Variants in RP1 observed in about 807,000 individuals in gnomAD.
RP1 encodes RP1 axonemal microtubule associated.
In RP1, 16 loss-of-function variants were observed where a neutral mutation model predicts 14.8. The observed-to-expected ratio is 1.08, with a 90% CI of 0.73 to 1.65. The LOEUF (loss-of-function observed/expected upper bound fraction) is 1.65, where lower values mean the gene tolerates loss of function less well. RP1 is among the 40% of genes most tolerant of loss of function. RP1 has a pLI of 0.00. For missense variants in RP1, 2,631 were observed against 2,535.0 expected (o/e 1.04, Z -0.81); for synonymous variants, 876 against 883.6 (o/e 0.99, Z 0.15).
intron 12 of RP1, among the ~76,000 whole-genome samples, chr8:54,692,202 A>T (rs1807731442): frequency 6.6e-6 from 1 of 151,114 alleles, no homozygotes; most frequent in African/African-American, 2.4e-5. Flanking sequence ...ACATTTTCTT[A>T]ATCCAGTCTA....
intron 27 of RP1, chr8:54,865,711 G>A: frequency 2.5e-6 from 1 of 397,558 alleles, no homozygotes; most frequent in Non-Finnish European, 4.4e-6. Context: ...ATTTGCATGT[G>A]CATATTTTTG....
At chr8:54,771,436 A>G (rs1809903450), downstream of RP1, among the ~76,000 whole-genome samples, 1 of 152,094 alleles carries the variant, frequency 6.6e-6, no homozygotes, top group Non-Finnish European at 1.5e-5. Flanking sequence ...AATGTAAGAC[A>G]TGTAATCAAC....
chr8:54,760,614 C>G (rs1213637767), intron 22 of RP1, among the ~76,000 whole-genome samples: 2 of 152,164 alleles, frequency 1.3e-5, no homozygotes, highest in Non-Finnish European at 2.9e-5. Flanking sequence ...AACTTCCATT[C>G]AAGGCTTTAT....
At chr8:54,725,800 G>A (rs1296790739) in intron 16 of RP1, among the ~76,000 whole-genome samples, 1 of 152,124 alleles carries the variant, frequency 6.6e-6, no homozygotes, top group African/African-American at 2.4e-5. Flanking sequence ...ACACTTAGGA[G>A]CATATACTAT....
Position 54,724,577 on chromosome 8 carries a change from CT to C in RP1, c.2390-1758del, listed in dbSNP as rs200550747. On this transcript the variant is annotated intron_variant, in intron 16 of 22. Coordinates refer to the RP1 transcript ENST00000636932. ...TACATTGCTAGTGATACAGTTTTCA[CT>C]TTTTTTTTTAAATTGTAAAAGTCAG... Among the ~76,000 whole-genome samples, 207 of 149,662 alleles carry C rather than the reference CT, an allele frequency of 1.4e-3. 1 individual carries two copies. The highest frequency in any genetic ancestry group is 1.0e-2 in the South Asian group (47 of 4,710).
chr8:54,758,346 A>G (rs557525172), intron 21 of RP1, among the ~76,000 whole-genome samples: 115 of 151,634 alleles, frequency 7.6e-4, no homozygotes, highest in African/African-American at 2.7e-3. Context: ...AACCAATTCT[A>G]TTTAGGAGTG....
intron 24 of RP1, among the ~76,000 whole-genome samples, chr8:54,812,717 A>C (rs1055081353): frequency 5.9e-5 from 9 of 152,068 alleles, no homozygotes; most frequent in African/African-American, 2.4e-5. Context: ...GATTCCAGAT[A>C]TCTCTCTCTC....
intron 15 of RP1, among the ~76,000 whole-genome samples, chr8:54,710,749 A>G (rs1478853835): frequency 6.6e-6 from 1 of 152,138 alleles, no homozygotes; most frequent in African/African-American, 2.4e-5. Context: ...GCTGTCTCTG[A>G]AGTCAAGTTG....
chr8:54,754,657 G>GACTACTACT (rs1015187668), intron 19 of RP1: 2 of 752,926 alleles, frequency 2.7e-6, no homozygotes, highest in African/African-American at 3.6e-5. Context: ...ACCAACCTAC[G>GACTACTACT]ACTACTACTA....
At chr8:54,783,548 T>G (rs926036891) in exon 24 of RP1, 1 of 1,230,220 alleles carries the variant, frequency 8.1e-7, no homozygotes. Context: ...CCTTTGCAGA[T>G]GGAGACTGGA....
intron 13 of RP1, among the ~76,000 whole-genome samples, chr8:54,699,884 T>C (rs1408095357): frequency 6.6e-6 from 1 of 152,210 alleles, no homozygotes; most frequent in Non-Finnish European, 1.5e-5. Context: ...TAATTTTTTA[T>C]AGTTATACCT....
intron 1 of RP1, among the ~76,000 whole-genome samples, chr8:54,606,259 G>A (rs1047220694): frequency 2.6e-5 from 4 of 152,088 alleles, no homozygotes; most frequent in African/African-American, 4.8e-5. Flanking sequence ...ATCTCTCAGC[G>A]TTTGCTCATC....
chr8:54,634,685 C>T (rs1285857176), downstream of RP1, among the ~76,000 whole-genome samples: 1 of 152,264 alleles, frequency 6.6e-6, no homozygotes, highest in East Asian at 1.9e-4. Flanking sequence ...AAACAGCAAA[C>T]CTTCAAACAG....
At chr8:54,763,992 A>G (rs1809704682) in intron 22 of RP1, among the ~76,000 whole-genome samples, 1 of 152,146 alleles carries the variant, frequency 6.6e-6, no homozygotes, top group African/African-American at 2.4e-5. Context: ...GCTTTCCACT[A>G]TGGCTAGAAT....
chr8:54,803,271 G>C (rs1563380903), intron 24 of RP1, among the ~76,000 whole-genome samples: 1 of 152,150 alleles, frequency 6.6e-6, no homozygotes, highest in African/African-American at 2.4e-5. Flanking sequence ...GTTCCTCACT[G>C]TCTCGTGGAC....
In RP1 at chr8:54,838,417, G is replaced by A. The variant is rs192698159; in HGVS notation, c.3835+748G>A. Among the ~76,000 whole-genome samples, 486 of 152,188 alleles carry A rather than the reference G, an allele frequency of 3.2e-3. 4 individuals carry two copies. The highest frequency in any genetic ancestry group is 6.2e-3 in the Admixed American group (95 of 15,266). On this transcript the variant is annotated intron_variant, in intron 25 of 28. Coordinates refer to the RP1 transcript ENST00000637698. Reference sequence around the variant, plus strand: ...ATGGATACTGATAGCCTCTTTGTTCGGAATGAAATTACTGTGTATATGTGT... The same window carrying A: ...ATGGATACTGATAGCCTCTTTGTTCAGAATGAAATTACTGTGTATATGTGT...
intron 27 of RP1, among the ~76,000 whole-genome samples, chr8:54,858,515 G>A (rs1462639783): frequency 2.6e-5 from 4 of 151,818 alleles, no homozygotes; most frequent in African/African-American, 4.8e-5. Flanking sequence ...ACTGTGGAAC[G>A]CTGTCACTGC....
At chr8:54,710,185 G>C (rs569018103) in intron 15 of RP1, among the ~76,000 whole-genome samples, 2 of 152,292 alleles carry the variant, frequency 1.3e-5, no homozygotes, top group Admixed American at 6.5e-5. Flanking sequence ...ATATTTTCTT[G>C]ACCCCTTTGC....
intron 26 of RP1, among the ~76,000 whole-genome samples, chr8:54,854,632 A>G (rs1424183669): frequency 1.3e-5 from 2 of 152,306 alleles, no homozygotes; most frequent in African/African-American, 4.8e-5. Context: ...TGGGAGGCCG[A>G]GGTGGGTGGA....
Sources: allele counts gnomAD v4.1 joint callset (sites outside exome capture counted in the v4.1 genomes callset), GRCh38; gene constraint gnomAD v4.1.1; transcripts MANE v1.5; gene names NCBI Gene and HGNC (gene_info 2026-07-23, HGNC 2026-07-21).